Variants in SEMA5A observed in about 807,000 individuals in gnomAD.
SEMA5A encodes semaphorin 5A, also known as semaphorin-5A.
Under a neutral mutation model 135.5 loss-of-function variants are expected in SEMA5A, and 55 were observed. The ratio of observed to expected loss-of-function variants is 0.41; its 90% CI spans 0.33 to 0.51. The LOEUF (loss-of-function observed/expected upper bound fraction) is 0.51, where lower values mean the gene tolerates loss of function less well. SEMA5A is among the 20% of genes least tolerant of loss of function. The probability of loss-of-function intolerance (pLI) is 0.37; values close to 1 mark genes in which losing one functional copy is unlikely to be tolerated. For missense variants in SEMA5A, 1,290 were observed against 1,419.9 expected, an observed-to-expected ratio of 0.91 and a Z score of 1.47; for synonymous variants, 580 against 546.5, an observed-to-expected ratio of 1.06 and a Z score of -0.85.
intron 12 of SEMA5A, among the ~76,000 whole-genome samples, chr5:9,142,503 A>C (rs967161053): frequency 3.3e-5 from 5 of 152,346 alleles, no homozygotes; most frequent in Admixed American, 1.3e-4. Flanking sequence ...TGCAAGAGCC[A>C]CACTTCAAAC....
At chr5:9,417,014 T>C (rs1294752348) in intron 2 of SEMA5A, among the ~76,000 whole-genome samples, 3 of 152,236 alleles carry the variant, frequency 2.0e-5, no homozygotes, top group African/African-American at 7.2e-5. Context: ...ACCACTGAAA[T>C]GTTTCTCAGC....
At chr5:9,205,854 C>T (rs1000834672) in intron 8 of SEMA5A, among the ~76,000 whole-genome samples, 1 of 152,262 alleles carries the variant, frequency 6.6e-6, no homozygotes, top group East Asian at 1.9e-4. Context: ...GCCATTAACT[C>T]GGGAAACACA....
chr5:9,533,425 G>T (rs1306171654), intron 1 of SEMA5A, among the ~76,000 whole-genome samples: 1 of 152,272 alleles, frequency 6.6e-6, no homozygotes, highest in East Asian at 1.9e-4. Flanking sequence ...CATAGTAAAA[G>T]ATTGTAAATA....
chr5:9,086,139 G>A (rs1018233110), intron 16 of SEMA5A, among the ~76,000 whole-genome samples: 1 of 152,210 alleles, frequency 6.6e-6, no homozygotes, highest in Non-Finnish European at 1.5e-5. Context: ...AGGCAGAAGG[G>A]ACTTGCCTTG....
intron 1 of SEMA5A, chr5:9,516,518 A>G (rs1029256367): frequency 1.3e-5 from 2 of 152,250 alleles, no homozygotes; most frequent in African/African-American, 4.8e-5. Flanking sequence ...TAAAATGTAG[A>G]AAACTGTCTT....
chr5:9,311,468 T>A (rs1218623584), intron 5 of SEMA5A, among the ~76,000 whole-genome samples: 1 of 151,750 alleles, frequency 6.6e-6, no homozygotes, highest in Non-Finnish European at 1.5e-5. Flanking sequence ...TTGGAAATCA[T>A]CATTCCCAGT....
chr5:9,055,464 A>G (rs1419963926), intron 18 of SEMA5A, among the ~76,000 whole-genome samples: 1 of 152,206 alleles, frequency 6.6e-6, no homozygotes, highest in African/African-American at 2.4e-5. Context: ...GAGGATGCCA[A>G]AATCATTCAG....
intron 1 of SEMA5A, among the ~76,000 whole-genome samples, chr5:9,526,667 G>C (rs1737143250): frequency 6.6e-6 from 1 of 152,178 alleles, no homozygotes; most frequent in Non-Finnish European, 1.5e-5. Flanking sequence ...GGAGCAGCTT[G>C]GCTTCAGCTG....
At chr5:9,094,086 T>C (rs555970362) in intron 16 of SEMA5A, among the ~76,000 whole-genome samples, 9 of 152,332 alleles carry the variant, frequency 5.9e-5, no homozygotes, top group African/African-American at 2.2e-4. Flanking sequence ...ATTTGAATTA[T>C]GTTTTTTTCT....
chr5:9,347,542 AT>A (rs1158934307), intron 3 of SEMA5A, among the ~76,000 whole-genome samples: 3 of 151,382 alleles, frequency 2.0e-5, no homozygotes, highest in Non-Finnish European at 4.4e-5. Context: ...TGTGTCACAC[AT>A]TTTTTTCTTT....
At chr5:9,426,178 C>T (rs914610569) in intron 2 of SEMA5A, among the ~76,000 whole-genome samples, 1 of 152,098 alleles carries the variant, frequency 6.6e-6, no homozygotes, top group African/African-American at 2.4e-5. Flanking sequence ...TGGCTCACAC[C>T]TGTAATCCCA....
intron 3 of SEMA5A, among the ~76,000 whole-genome samples, chr5:9,374,686 C>T (rs539995579): frequency 1.3e-5 from 2 of 150,032 alleles, no homozygotes; most frequent in South Asian, 4.2e-4. Flanking sequence ...AGTTTTATTC[C>T]CTCCTCAGAG....
intron 16 of SEMA5A, among the ~76,000 whole-genome samples, chr5:9,075,025 G>C (rs998448527): frequency 6.6e-6 from 1 of 152,130 alleles, no homozygotes; most frequent in African/African-American, 2.4e-5. Context: ...GAGATTTTTA[G>C]ATATTCCTGG....
chr5:9,419,223 G>A (rs1034156580), intron 2 of SEMA5A, among the ~76,000 whole-genome samples: 3 of 152,204 alleles, frequency 2.0e-5, no homozygotes, highest in African/African-American at 4.8e-5. Flanking sequence ...GCACTGTGGT[G>A]TGAGAGTGTC....
intron 5 of SEMA5A, among the ~76,000 whole-genome samples, chr5:9,282,463 G>T (rs1340135867): frequency 2.0e-5 from 3 of 152,054 alleles, no homozygotes; most frequent in Non-Finnish European, 2.9e-5. Flanking sequence ...GCAATAACTT[G>T]CCCATTCCTA....
intron 11 of SEMA5A, among the ~76,000 whole-genome samples, chr5:9,159,657 A>C (rs1433502653): frequency 6.6e-6 from 1 of 152,224 alleles, no homozygotes; most frequent in Non-Finnish European, 1.5e-5. Flanking sequence ...TTCTTCAAGG[A>C]TCTAGAACCA....
intron 18 of SEMA5A, among the ~76,000 whole-genome samples, chr5:9,055,054 T>C (rs1276293795): frequency 6.6e-6 from 1 of 152,200 alleles, no homozygotes; most frequent in African/African-American, 2.4e-5. Flanking sequence ...TTCTTTAGGC[T>C]GGGCTCTTGG....
chr5:9,280,365 G>A (rs1750478030), intron 5 of SEMA5A, among the ~76,000 whole-genome samples: 1 of 152,182 alleles, frequency 6.6e-6, no homozygotes, highest in South Asian at 2.1e-4. Context: ...AGTGGGAAAG[G>A]TCCTTCAAGA....
At chr5:9,287,708 T>C (rs76377487) in intron 5 of SEMA5A, among the ~76,000 whole-genome samples, 1,999 of 152,316 alleles carry the variant, frequency 0.013, 40 homozygotes, top group African/African-American at 0.046. Context: ...CATATACTTA[T>C]TGTCTATAGC....
Sources: gnomAD v4.1 joint callset for allele counts (sites outside exome capture counted in the v4.1 genomes callset) on GRCh38, gnomAD v4.1.1 for gene constraint, MANE v1.5 for transcripts, NCBI Gene and HGNC (gene_info 2026-07-23, HGNC 2026-07-21) for gene names.